The following PCP4L1 variants were observed in gnomAD, a reference collection of about 807,000 sequenced individuals.
PCP4L1 encodes the protein Purkinje cell protein 4 like 1.
Under a neutral mutation model 9.6 loss-of-function variants are expected in PCP4L1, and 9 were observed. That is an observed-to-expected ratio of 0.94 (90% CI 0.57 to 1.64). The LOEUF is 1.64. PCP4L1 is among the 40% of genes most tolerant of loss of function. The pLI is 0.00. For synonymous variants in PCP4L1, 31 were observed against 28.2 expected (o/e 1.10, Z -0.31); for missense variants, 81 against 80.8 (o/e 1.00, Z -0.01).
intron 1 of PCP4L1, among the ~76,000 whole-genome samples, chr1:161,259,303 T>C (rs570110147): frequency 7.2e-4 from 109 of 152,282 alleles, no homozygotes; most frequent in African/African-American, 2.2e-3. Flanking sequence ...TCTGTCTTAC[T>C]GCCCGAGATT....
intron 1 of PCP4L1, among the ~76,000 whole-genome samples, chr1:161,266,127 C>A (rs1400820628): frequency 6.6e-6 from 1 of 152,088 alleles, no homozygotes; most frequent in East Asian, 1.9e-4. Flanking sequence ...AGTCTCCTCA[C>A]TGAAGGCTGA....
In PCP4L1 at chr1:161,270,569, C is replaced by CAAAAAAAAAAAAAA. The variant is rs10530356; in HGVS notation, c.9+11597_9+11598insAAAAAAAAAAAAAA. On this transcript the variant is annotated intron_variant, in intron 1 of 2. Transcript: ENST00000504449. ...ACCCTTATAAAAGAGACCCCAGGCTCAAAAAAAAAAAGAGAGACCCCAGGC... is the reference window on the plus strand; with the variant it reads ...ACCCTTATAAAAGAGACCCCAGGCTCAAAAAAAAAAAAAAAAAAAAAAAAAGAGAGACCCCAGGC... 2.1e-4 allele frequency among the ~76,000 whole-genome samples: 25 copies of CAAAAAAAAAAAAAA among 116,504 alleles called. 1 individual carries two copies. The highest frequency in any genetic ancestry group is 2.6e-4 in the Non-Finnish European group (15 of 58,366). The allele number at this position is 116,504 out of a possible 152,430, so 76.4% of individuals were successfully genotyped here. A position where few individuals can be genotyped will look rare whatever the true frequency, so the allele number is the denominator to read the frequency against.
intron 1 of PCP4L1, among the ~76,000 whole-genome samples, chr1:161,279,279 C>T (rs1158549840): frequency 6.6e-6 from 1 of 152,202 alleles, no homozygotes; most frequent in African/African-American, 2.4e-5. Flanking sequence ...TATTTTCTTT[C>T]ATGGCATTTG....
chr1:161,268,882 C>G (rs1185415569), intron 1 of PCP4L1, among the ~76,000 whole-genome samples: 1 of 152,132 alleles, frequency 6.6e-6, no homozygotes, highest in Non-Finnish European at 1.5e-5. Context: ...TATCTCTCTT[C>G]TGCAGATGAG....
At chr1:161,268,551 CTTT>C (rs10654377) in intron 1 of PCP4L1, among the ~76,000 whole-genome samples, 2 of 114,046 alleles carry the variant, frequency 1.8e-5, no homozygotes, top group African/African-American at 3.4e-5. Context: ...TTCCTTTTAC[CTTT>C]TTTTTTTTTT....
chr1:161,283,910 A>G (rs1023520400), intron 2 of PCP4L1, among the ~76,000 whole-genome samples, 188 bp downstream of exon 2: 2 of 152,226 alleles, frequency 1.3e-5, no homozygotes, highest in African/African-American at 4.8e-5. Flanking sequence ...CCTAGAAAGT[A>G]AACGATCAGT....
At chr1:161,259,716 C>T (rs1015486219) in intron 1 of PCP4L1, among the ~76,000 whole-genome samples, 2 of 152,156 alleles carry the variant, frequency 1.3e-5, no homozygotes, top group African/African-American at 4.8e-5. Context: ...TTTGGAAAGA[C>T]GTCTCCTATT....
rs143831004 is a variant in PCP4L1 at position 161,271,629 on chromosome 1, G to A, written c.10-12039G>A. The stretch of plus-strand genomic sequence containing the variant: ...AGCAATTCTCCCACCTCAGCTTCCT[G>A]AGTAGCTGGGACTACAGGCACGTGC... On this transcript the variant is annotated intron_variant, in intron 1 of 2. Transcript: ENST00000504449. Among the ~76,000 whole-genome samples, 709 of 151,702 alleles carry A rather than the reference G, an allele frequency of 4.7e-3. 2 individuals carry two copies. The highest frequency in any genetic ancestry group is 0.016 in the African/African-American group (665 of 41,304).
intron 1 of PCP4L1, among the ~76,000 whole-genome samples, chr1:161,281,556 G>A (rs1422294792): frequency 2.0e-5 from 3 of 151,220 alleles, no homozygotes; most frequent in African/African-American, 4.9e-5. Flanking sequence ...CTGGCCGGGC[G>A]GGGGCTGATC....
intron 1 of PCP4L1, among the ~76,000 whole-genome samples, chr1:161,263,987 G>A (rs1277657888): frequency 1.5e-5 from 2 of 130,676 alleles, no homozygotes; most frequent in East Asian, 4.5e-4. Flanking sequence ...TTGGCTCACT[G>A]CAATCTCTGC....
intron 1 of PCP4L1, among the ~76,000 whole-genome samples, chr1:161,276,852 T>C (rs1267324270): frequency 2.6e-5 from 4 of 152,012 alleles, no homozygotes; most frequent in Non-Finnish European, 5.9e-5. Context: ...TTTGAAAAAC[T>C]TGCCCATGTC....
intron 1 of PCP4L1, among the ~76,000 whole-genome samples, chr1:161,259,297 T>C (rs1378377304): frequency 6.6e-6 from 1 of 152,088 alleles, no homozygotes; most frequent in Non-Finnish European, 1.5e-5. Context: ...CCTGCATCTG[T>C]CTTACTGCCC....
intron 1 of PCP4L1, among the ~76,000 whole-genome samples, chr1:161,280,397 T>C (rs1019300452): frequency 2.0e-5 from 3 of 152,200 alleles, no homozygotes; most frequent in African/African-American, 7.2e-5. Context: ...CCTACAGTTT[T>C]TCCTTGTCTA....
intron 1 of PCP4L1, among the ~76,000 whole-genome samples, chr1:161,277,204 A>G (rs963363224): frequency 6.6e-6 from 1 of 152,226 alleles, no homozygotes; most frequent in African/African-American, 2.4e-5. Flanking sequence ...AAAAAAGGAA[A>G]TTAAAGCAAT....
intron 1 of PCP4L1, among the ~76,000 whole-genome samples, chr1:161,275,758 GTTATCCTA>G (rs887927921): frequency 2.0e-5 from 3 of 148,516 alleles, no homozygotes; most frequent in African/African-American, 7.5e-5. Flanking sequence ...GACAGTTGCT[GTTATCCTA>G]TTAACTGCAT....
chr1:161,274,473 T>C (rs988948020), intron 1 of PCP4L1, among the ~76,000 whole-genome samples: 1 of 152,224 alleles, frequency 6.6e-6, no homozygotes, highest in African/African-American at 2.4e-5. Context: ...CAGTTTGGCC[T>C]CACTCCTCTG....
intron 1 of PCP4L1, among the ~76,000 whole-genome samples, chr1:161,277,164 G>T (rs986061251): frequency 2.0e-5 from 3 of 152,148 alleles, no homozygotes; most frequent in Non-Finnish European, 4.4e-5. Context: ...AAAATCAGTG[G>T]TGTCTCTAAA....
intron 1 of PCP4L1, among the ~76,000 whole-genome samples, chr1:161,270,020 G>A (rs1268612729): frequency 1.4e-5 from 2 of 146,946 alleles, no homozygotes; most frequent in African/African-American, 5.1e-5. Context: ...ATAAGGACTG[G>A]GCGTGGTGGC....
intron 1 of PCP4L1, among the ~76,000 whole-genome samples, chr1:161,282,765 A>C (rs1488555229): frequency 6.6e-6 from 1 of 152,126 alleles, no homozygotes; most frequent in Non-Finnish European, 1.5e-5. Flanking sequence ...TCAGATCATC[A>C]GGCCAAAATT....
Sources: gnomAD v4.1 joint callset for allele counts (sites outside exome capture counted in the v4.1 genomes callset) on GRCh38, gnomAD v4.1.1 for gene constraint, MANE v1.5 for transcripts, NCBI Gene and HGNC (gene_info 2026-07-23, HGNC 2026-07-21) for gene names.